Variants in BNC2 observed in about 807,000 individuals in gnomAD.
BNC2 encodes basonuclin zinc finger protein 2.
A neutral mutation model predicts 76.3 loss-of-function variants in BNC2; 20 were observed. The observed-to-expected ratio is 0.26, with a 90% confidence interval of 0.18 to 0.38. The LOEUF is 0.38. Among genes scored for constraint, BNC2 ranks in the 10% least tolerant of loss-of-function variants. The pLI, the probability that BNC2 is intolerant of heterozygous loss-of-function variation, is 1.00. For synonymous variants in BNC2, 582 were observed against 514.8 expected, an observed-to-expected ratio of 1.13 and a Z score of -1.77; for missense variants, 1,382 against 1,399.8, an observed-to-expected ratio of 0.99 and a Z score of 0.20.
At chr9:16,499,788 C>A (rs550123093) in intron 5 of BNC2, among the ~76,000 whole-genome samples, 1 of 152,146 alleles carries the variant, frequency 6.6e-6, no homozygotes, top group South Asian at 2.1e-4. Context: ...GCCTCAGCCT[C>A]CCAAAGTGCT....
rs1424617030 is a variant in BNC2 at position 16,418,090 on chromosome 9, CACTT to C, written c.*895_*898del. On this transcript the variant is annotated 3_prime_UTR_variant, in exon 7 of 7. Coordinates refer to ENST00000380672, the MANE Select transcript of BNC2 (RefSeq NM_017637.6). ...ACAAGTGAATTTTTTTTAAAAAAGA[CACTT>C]ACTGAAGTATGGCAATAGTTTAAGG... 7.9e-5 allele frequency: 12 copies of C among 152,606 alleles called. No homozygotes were observed. Among genetic ancestry groups the C allele is most frequent in the Admixed American group, 5.9e-4 (9 of 15,292 alleles). The allele number at this position is 152,606 out of a possible 1,614,324, so 9.5% of individuals were successfully genotyped here. A position where few individuals can be genotyped will look rare whatever the true frequency, so the allele number is the denominator to read the frequency against.
At chr9:16,805,934 T>C (rs1233727307) in intron 1 of BNC2, among the ~76,000 whole-genome samples, 1 of 152,210 alleles carries the variant, frequency 6.6e-6, no homozygotes, top group Non-Finnish European at 1.5e-5. Context: ...TGTAACAGTA[T>C]ATTTTGATTC....
intron 3 of BNC2, among the ~76,000 whole-genome samples, chr9:16,673,855 G>A (rs541169791): frequency 1.2e-4 from 19 of 152,168 alleles, no homozygotes; most frequent in African/African-American, 3.6e-4. Context: ...TCTCCCCAGC[G>A]TTGCTGTTTT....
intron 5 of BNC2, among the ~76,000 whole-genome samples, chr9:16,539,970 T>C (rs984332169): frequency 6.6e-6 from 1 of 152,024 alleles, no homozygotes; most frequent in Non-Finnish European, 1.5e-5. Flanking sequence ...TATCAAATTA[T>C]ATATCTTAAA....
intron 5 of BNC2, among the ~76,000 whole-genome samples, chr9:16,518,855 C>T (rs1817523212): frequency 6.6e-6 from 1 of 152,158 alleles, no homozygotes; most frequent in African/African-American, 2.4e-5. Flanking sequence ...CCTGCCTCGG[C>T]CTCCCCAAGT....
intron 1 of BNC2, among the ~76,000 whole-genome samples, chr9:16,809,938 A>C (rs1405480918): frequency 1.3e-5 from 2 of 152,226 alleles, no homozygotes; most frequent in Non-Finnish European, 2.9e-5. Context: ...TTCCTAATCA[A>C]TGCTTTGATG....
intron 1 of BNC2, among the ~76,000 whole-genome samples, chr9:16,797,994 C>T (rs1230455453): frequency 6.6e-6 from 1 of 152,164 alleles, no homozygotes; most frequent in Non-Finnish European, 1.5e-5. Flanking sequence ...AAAGTAATTA[C>T]CAGCTAGGCT....
intron 1 of BNC2, among the ~76,000 whole-genome samples, chr9:16,848,881 C>G (rs1231565311): frequency 6.6e-6 from 1 of 152,174 alleles, no homozygotes; most frequent in African/African-American, 2.4e-5. Context: ...AACTTTAATT[C>G]AGGCATAAAA....
chr9:16,662,496 G>C (rs1243086782), intron 3 of BNC2, among the ~76,000 whole-genome samples: 1 of 152,162 alleles, frequency 6.6e-6, no homozygotes. Context: ...AGCACTTTGG[G>C]AGACCAAGGC....
chr9:16,704,172 T>C (rs527583325), intron 3 of BNC2, among the ~76,000 whole-genome samples: 1 of 152,312 alleles, frequency 6.6e-6, no homozygotes, highest in African/African-American at 2.4e-5. Context: ...ATCCACACTT[T>C]AATCTGTTAT....
intron 5 of BNC2, among the ~76,000 whole-genome samples, chr9:16,532,955 T>C (rs953137836): frequency 2.6e-5 from 4 of 152,228 alleles, no homozygotes; most frequent in African/African-American, 9.6e-5. Context: ...TGTTTTCATT[T>C]AGAAAGCTAT....
chr9:16,465,196 G>A (rs905890999), intron 5 of BNC2, among the ~76,000 whole-genome samples: 1 of 152,200 alleles, frequency 6.6e-6, no homozygotes, highest in East Asian at 1.9e-4. Context: ...AACACTTTGA[G>A]AGGCTAAGGC....
chr9:16,642,708 C>T (rs1209052820), intron 3 of BNC2, among the ~76,000 whole-genome samples: 1 of 152,164 alleles, frequency 6.6e-6, no homozygotes, highest in Non-Finnish European at 1.5e-5. Context: ...CTTGGGGCCA[C>T]ATTTTTTGTT....
At chr9:16,565,072 T>C (rs1819130128) in intron 4 of BNC2, among the ~76,000 whole-genome samples, 1 of 152,214 alleles carries the variant, frequency 6.6e-6, no homozygotes, top group South Asian at 2.1e-4. Flanking sequence ...TTTTAGACCT[T>C]CATAACTTCA....
intron 1 of BNC2, among the ~76,000 whole-genome samples, chr9:16,830,679 G>T (rs553853928): frequency 1.3e-5 from 2 of 152,278 alleles, no homozygotes; most frequent in African/African-American, 4.8e-5. Context: ...AAGTATCTAA[G>T]TACATTTTTC....
chr9:16,589,599 C>T (rs1184789957), intron 3 of BNC2, among the ~76,000 whole-genome samples: 1 of 152,066 alleles, frequency 6.6e-6, no homozygotes, highest in Admixed American at 6.5e-5. Context: ...ACCTCCGCCT[C>T]CAGGGTTCAA....
chr9:16,761,119 A>T (rs1563930880), intron 1 of BNC2, among the ~76,000 whole-genome samples: 1 of 151,970 alleles, frequency 6.6e-6, no homozygotes, highest in Non-Finnish European at 1.5e-5. Flanking sequence ...GTGGTGGCAC[A>T]TGCCTGTGGT....
chr9:16,437,824 C>T (rs1821050299), intron 5 of BNC2, among the ~76,000 whole-genome samples: 1 of 152,018 alleles, frequency 6.6e-6, no homozygotes, highest in Non-Finnish European at 1.5e-5. Context: ...TTTTTAACAA[C>T]AATGATCTAT....
chr9:16,700,898 G>A (rs978388065), intron 3 of BNC2, among the ~76,000 whole-genome samples: 3 of 151,970 alleles, frequency 2.0e-5, no homozygotes, highest in African/African-American at 4.8e-5. Flanking sequence ...ACCTGAGATC[G>A]GGCCCCTGCA....
Sources: gnomAD v4.1 joint callset for allele counts (sites outside exome capture counted in the v4.1 genomes callset) on GRCh38, gnomAD v4.1.1 for gene constraint, MANE v1.5 for transcripts, NCBI Gene and HGNC (gene_info 2026-07-23, HGNC 2026-07-21) for gene names.